Variants in FAM13A observed in about 807,000 individuals in gnomAD.
FAM13A encodes the protein family with sequence similarity 13 member A.
A neutral mutation model predicts 129.6 loss-of-function variants in FAM13A; 76 were observed. The ratio of observed to expected loss-of-function variants is 0.59; its 90% confidence interval spans 0.49 to 0.71. The LOEUF is 0.71. Among genes scored for constraint, FAM13A ranks in the 30% least tolerant of loss-of-function variants. The pLI, the probability that FAM13A is intolerant of heterozygous loss-of-function variation, is 0.00. For missense variants in FAM13A, 1,108 were observed against 1,249.3 expected (o/e 0.89, Z 1.70); for synonymous variants, 443 against 449.9 (o/e 0.98, Z 0.20).
rs1274665682 is a variant in FAM13A, at chr4:88,727,592, C to T, written c.*941G>A. ...TACTCAGGAGGCTGAGAACACAGGC[C>T]CCTTCTCTCCCCGATCCTCTGTATG... On this transcript the variant is annotated 3_prime_UTR_variant, in exon 24 of 24. Transcript: ENST00000264344. 6.6e-6 allele frequency: 1 copy of T among 152,336 alleles called. No homozygotes were observed. The highest frequency in any genetic ancestry group is 1.5e-5 in the Non-Finnish European group (1 of 68,036). The allele number at this position is 152,336 out of a possible 1,614,324, so 9.4% of individuals were successfully genotyped here.
chr4:88,926,635 C>A (rs992155921), intron 5 of FAM13A, among the ~76,000 whole-genome samples: 2 of 152,078 alleles, frequency 1.3e-5, no homozygotes, highest in Non-Finnish European at 2.9e-5. Context: ...CTAGTGTTTA[C>A]CTATAATCGC....
intron 5 of FAM13A, among the ~76,000 whole-genome samples, chr4:88,927,671 T>C (rs1395506352): frequency 6.6e-6 from 1 of 152,048 alleles, no homozygotes; most frequent in Non-Finnish European, 1.5e-5. Context: ...TAGTCTTTGA[T>C]GATTTTTTTT....
At chr4:89,018,843 G>A (rs1766869396) in intron 3 of FAM13A, among the ~76,000 whole-genome samples, 1 of 152,252 alleles carries the variant, frequency 6.6e-6, no homozygotes, top group Non-Finnish European at 1.5e-5. Context: ...GGCTATGGGT[G>A]CCCTGGGTGG....
At chr4:88,874,731 A>C (rs998117699) in intron 6 of FAM13A, among the ~76,000 whole-genome samples, 4 of 152,216 alleles carry the variant, frequency 2.6e-5, no homozygotes, top group East Asian at 1.9e-4. Context: ...TAATTTATAG[A>C]TTCAATGCCA....
intron 6 of FAM13A, among the ~76,000 whole-genome samples, chr4:88,860,377 T>C (rs1168359048): frequency 6.6e-6 from 1 of 152,226 alleles, no homozygotes. Context: ...TGTTCAGCAG[T>C]AGTTAAGCTG....
At chr4:88,892,832 T>G (rs1745581596) in intron 6 of FAM13A, among the ~76,000 whole-genome samples, 2 of 152,094 alleles carry the variant, frequency 1.3e-5, no homozygotes, top group Admixed American at 1.3e-4. Context: ...TAAACAATGC[T>G]CATTATTTTT....
At chr4:88,866,028 T>C (rs1351343169) in intron 6 of FAM13A, among the ~76,000 whole-genome samples, 1 of 151,586 alleles carries the variant, frequency 6.6e-6, no homozygotes, top group Non-Finnish European at 1.5e-5. Flanking sequence ...CGAGCCACCA[T>C]GTTCCACTAA....
intron 7 of FAM13A, among the ~76,000 whole-genome samples, chr4:88,812,550 C>T (rs139527560): frequency 6.6e-6 from 1 of 152,154 alleles, no homozygotes; most frequent in Admixed American, 6.5e-5. Flanking sequence ...CCTTTCTCCA[C>T]CTCTCTCTGC....
intron 1 of FAM13A, among the ~76,000 whole-genome samples, chr4:89,042,349 T>C (rs1770259485): frequency 6.6e-6 from 1 of 152,212 alleles, no homozygotes; most frequent in African/African-American, 2.4e-5. Flanking sequence ...ACTTATTTTA[T>C]GTGAGAATCC....
At chr4:88,948,011 G>A (rs549662863) in intron 4 of FAM13A, among the ~76,000 whole-genome samples, 2 of 152,158 alleles carry the variant, frequency 1.3e-5, no homozygotes, top group African/African-American at 4.8e-5. Context: ...GTCTAAAAAC[G>A]CTCTTTAGAA....
Position 88,924,703 on chromosome 4 carries a change from T to A in FAM13A, c.759+13385A>T, listed in dbSNP as rs1156669893. Among the ~76,000 whole-genome samples the A allele has an allele frequency of 8.6e-5, 13 of 152,000 alleles. No homozygotes were observed. In the East Asian group the frequency reaches 2.5e-3, roughly 29 times the overall value. On this transcript the variant is annotated intron_variant, in intron 5 of 23. Transcript: ENST00000264344. ...AGCAACAAAAGCCAAAATTGACAAA[T>A]GGGATCTAATTAAACTAAAGAGCTG...
At chr4:88,776,261 T>C (rs1262625389) in intron 11 of FAM13A, among the ~76,000 whole-genome samples, 1 of 152,220 alleles carries the variant, frequency 6.6e-6, no homozygotes, top group Non-Finnish European at 1.5e-5. Context: ...GAATATATCA[T>C]ACATACATAT....
At chr4:88,806,137 C>T (rs148782557) in intron 7 of FAM13A, among the ~76,000 whole-genome samples, 5 of 152,150 alleles carry the variant, frequency 3.3e-5, no homozygotes, top group African/African-American at 1.2e-4. Flanking sequence ...ATAAAACTTG[C>T]TTTTCAGTGG....
chr4:88,819,467 C>A (rs1561078921), intron 7 of FAM13A, among the ~76,000 whole-genome samples: 1 of 152,130 alleles, frequency 6.6e-6, no homozygotes, highest in Non-Finnish European at 1.5e-5. Flanking sequence ...AATTTTGTAT[C>A]TTAGCCTGCT....
At chr4:88,940,464 C>T (rs781278513) in intron 4 of FAM13A, among the ~76,000 whole-genome samples, 86 of 152,276 alleles carry the variant, frequency 5.6e-4, no homozygotes, top group Non-Finnish European at 1.1e-3. Flanking sequence ...CTAGTTTCTT[C>T]TTACCACTTA....
At chr4:88,978,716 C>A (rs1335051044) in intron 4 of FAM13A, among the ~76,000 whole-genome samples, 2 of 152,096 alleles carry the variant, frequency 1.3e-5, no homozygotes, top group Non-Finnish European at 2.9e-5. Flanking sequence ...ATGGGGTAAA[C>A]CTGGGAGGCG....
At chr4:88,945,056 C>G (rs1174912795) in intron 4 of FAM13A, among the ~76,000 whole-genome samples, 2 of 152,154 alleles carry the variant, frequency 1.3e-5, no homozygotes, top group East Asian at 3.8e-4. Flanking sequence ...ACAAATTAGT[C>G]TTACCCTGAT....
chr4:88,786,241 C>G (rs901132222), intron 10 of FAM13A, among the ~76,000 whole-genome samples: 3 of 152,140 alleles, frequency 2.0e-5, no homozygotes. Flanking sequence ...CTCTCTCATG[C>G]TCCCCACCAC....
At chr4:88,919,876 A>G (rs1284672599) in intron 5 of FAM13A, among the ~76,000 whole-genome samples, 5 of 152,278 alleles carry the variant, frequency 3.3e-5, no homozygotes, top group South Asian at 2.1e-4. Flanking sequence ...GGCTTAAAAA[A>G]TGGCGCACCA....
Sources: gnomAD v4.1 joint callset for allele counts (sites outside exome capture counted in the v4.1 genomes callset) on GRCh38, gnomAD v4.1.1 for gene constraint, MANE v1.5 for transcripts, NCBI Gene and HGNC (gene_info 2026-07-23, HGNC 2026-07-21) for gene names.